EPHA6: variants seen among roughly 807,000 people sequenced by gnomAD.
The protein encoded by EPHA6 is ephrin type-A receptor 6.
A neutral mutation model predicts 112.0 loss-of-function variants in EPHA6; 50 were observed. The ratio of observed to expected loss-of-function variants is 0.45; its 90% CI spans 0.36 to 0.56. The LOEUF is 0.56. Ranked by LOEUF, EPHA6 falls within the 20% of genes least tolerant of loss-of-function variation. The probability of loss-of-function intolerance (pLI) is 0.00; values close to 1 mark genes in which losing one functional copy is unlikely to be tolerated. For missense variants in EPHA6, 1,280 were observed against 1,417.4 expected, an observed-to-expected ratio of 0.90 and a Z score of 1.56; for synonymous variants, 529 against 490.7, an observed-to-expected ratio of 1.08 and a Z score of -1.03.
intron 13 of EPHA6, among the ~76,000 whole-genome samples, chr3:97,622,238 A>G (rs564823438): frequency 6.6e-6 from 1 of 151,798 alleles, no homozygotes; most frequent in East Asian, 1.9e-4. Context: ...CTTTAAAATC[A>G]TTAAACTCCC....
At chr3:97,495,753 C>T (rs750599956) in intron 10 of EPHA6, among the ~76,000 whole-genome samples, 1 of 152,028 alleles carries the variant, frequency 6.6e-6, no homozygotes, top group African/African-American at 2.4e-5. Flanking sequence ...CTCTAATTTT[C>T]TTCTTCATTG....
intron 1 of EPHA6, among the ~76,000 whole-genome samples, chr3:96,859,164 C>G (rs946087502): frequency 4.6e-5 from 7 of 151,960 alleles, no homozygotes; most frequent in Non-Finnish European, 7.4e-5. Context: ...CAAACACCCC[C>G]CCAACACACA....
At chr3:96,950,050 G>T (rs893023786) in intron 2 of EPHA6, among the ~76,000 whole-genome samples, 6 of 152,064 alleles carry the variant, frequency 3.9e-5, no homozygotes, top group Admixed American at 1.3e-4. Context: ...TATTCAGGGA[G>T]ACCTTACTTT....
chr3:97,386,681 G>A (rs910123093), intron 5 of EPHA6, among the ~76,000 whole-genome samples: 4 of 152,182 alleles, frequency 2.6e-5, no homozygotes, highest in African/African-American at 9.7e-5. Context: ...GGGTCTGGAG[G>A]ATGGTGGCCC....
intron 3 of EPHA6, among the ~76,000 whole-genome samples, chr3:97,065,418 C>T (rs2046147067): frequency 6.6e-6 from 1 of 152,030 alleles, no homozygotes; most frequent in Non-Finnish European, 1.5e-5. Context: ...ATATTAGATG[C>T]CTTTTATTTT....
intron 3 of EPHA6, among the ~76,000 whole-genome samples, chr3:97,140,805 T>C (rs890025474): frequency 6.6e-6 from 1 of 152,144 alleles, no homozygotes; most frequent in South Asian, 2.1e-4. Context: ...AACATTATGA[T>C]AGGTACAAAA....
At chr3:97,650,316 G>A (rs78689459) in intron 14 of EPHA6, among the ~76,000 whole-genome samples, 1,574 of 152,172 alleles carry the variant, frequency 0.01, 14 homozygotes, top group Non-Finnish European at 0.017. Context: ...TACTGCTTAG[G>A]TGAACTGACA....
chr3:97,483,456 T>C (rs115197021), intron 9 of EPHA6, among the ~76,000 whole-genome samples: 34 of 152,326 alleles, frequency 2.2e-4, no homozygotes, highest in African/African-American at 7.7e-4. Context: ...GTCAGTTCTT[T>C]ACTGCTTGAG....
chr3:97,365,620 C>T (rs1400064818), intron 5 of EPHA6, among the ~76,000 whole-genome samples: 3 of 152,236 alleles, frequency 2.0e-5, no homozygotes, highest in African/African-American at 7.2e-5. Context: ...GATCTCCTGA[C>T]CTCGTGATCC....
At chr3:97,532,804 TTTTTGCTTTGTTTTG>T (rs2092710760) in intron 11 of EPHA6, among the ~76,000 whole-genome samples, 1 of 151,962 alleles carries the variant, frequency 6.6e-6, no homozygotes, top group Admixed American at 6.6e-5. Flanking sequence ...GGGTTATGTG[TTTTTGCTTTGTTTTG>T]TTTTGTGTTT....
chr3:97,493,005 C>T (rs1296451016), intron 10 of EPHA6, among the ~76,000 whole-genome samples: 2 of 144,052 alleles, frequency 1.4e-5, no homozygotes, highest in East Asian at 4.1e-4. Context: ...GTGAATGTAA[C>T]TCTAGCCCTG....
At chr3:96,822,693 A>G (rs1029551937) in intron 1 of EPHA6, among the ~76,000 whole-genome samples, 1 of 150,446 alleles carries the variant, frequency 6.6e-6, no homozygotes, top group Non-Finnish European at 1.5e-5. Flanking sequence ...TATATAATTT[A>G]AAAGTATATT....
chr3:97,563,914 A>G (rs1012852919), intron 11 of EPHA6, among the ~76,000 whole-genome samples: 10 of 152,184 alleles, frequency 6.6e-5, no homozygotes, highest in African/African-American at 2.2e-4. Context: ...CTGTAAGCAA[A>G]GAATGAAACA....
At chr3:96,892,952 A>ATGTGTGTGTG (rs755651627) in intron 2 of EPHA6, among the ~76,000 whole-genome samples, 306 of 140,858 alleles carry the variant, frequency 2.2e-3, no homozygotes, top group African/African-American at 8.4e-3. Context: ...ATATATATAT[A>ATGTGTGTGTG]TATGTGTGTG....
intron 3 of EPHA6, among the ~76,000 whole-genome samples, chr3:97,050,032 GT>G (rs2045634708): frequency 6.6e-6 from 1 of 152,110 alleles, no homozygotes; most frequent in East Asian, 1.9e-4. Context: ...AAAAATAACT[GT>G]TTTTAAACCA....
chr3:97,511,784 A>G (rs2092368935), intron 10 of EPHA6, among the ~76,000 whole-genome samples: 1 of 152,172 alleles, frequency 6.6e-6, no homozygotes, highest in South Asian at 2.1e-4. Context: ...AAACCAAAAG[A>G]AGTGAAGAAA....
intron 3 of EPHA6, among the ~76,000 whole-genome samples, chr3:97,221,591 A>T (rs2078202447): frequency 6.6e-6 from 1 of 152,274 alleles, no homozygotes; most frequent in South Asian, 2.1e-4. Flanking sequence ...TTCTCAAGAC[A>T]TGAGTACTGA....
At chr3:96,985,472 T>A (rs1490983346) in intron 2 of EPHA6, among the ~76,000 whole-genome samples, 7 of 152,132 alleles carry the variant, frequency 4.6e-5, no homozygotes, top group Non-Finnish European at 1.0e-4. Context: ...GTGGTTCCAA[T>A]GAGCTGTGAT....
chr3:97,680,075 G>A (rs1186285590), intron 14 of EPHA6, among the ~76,000 whole-genome samples: 1 of 152,054 alleles, frequency 6.6e-6, no homozygotes, highest in African/African-American at 2.4e-5. Context: ...ATGTCTTTGA[G>A]GTCTTATAGA....
Sources: gnomAD v4.1 joint callset for allele counts (sites outside exome capture counted in the v4.1 genomes callset) on GRCh38, gnomAD v4.1.1 for gene constraint, MANE v1.5 for transcripts, NCBI Gene and HGNC (gene_info 2026-07-23, HGNC 2026-07-21) for gene names.